The following PTPN13 variants were observed in gnomAD, a reference collection of about 807,000 sequenced individuals.
The protein encoded by PTPN13 is protein tyrosine phosphatase non-receptor type 13, also known as tyrosine-protein phosphatase non-receptor type 13.
PTPN13 carries 191 observed loss-of-function variants against 284.0 expected under a neutral mutation model. The observed-to-expected ratio is 0.67, with a 90% CI of 0.60 to 0.76. The LOEUF (loss-of-function observed/expected upper bound fraction) is 0.76. PTPN13 is among the 30% of genes least tolerant of loss of function. PTPN13 has a pLI of 0.00. For missense variants in PTPN13, 2,797 were observed against 2,939.9 expected, an observed-to-expected ratio of 0.95 and a Z score of 1.12; for synonymous variants, 986 against 1,022.3, an observed-to-expected ratio of 0.96 and a Z score of 0.68.
At chr4:86,624,401 T>C (rs1178646295) in intron 1 of PTPN13, among the ~76,000 whole-genome samples, 1 of 152,174 alleles carries the variant, frequency 6.6e-6, no homozygotes, top group Non-Finnish European at 1.5e-5. Context: ...TATAAGATGA[T>C]ATATGATTCT....
At chr4:86,779,314 G>A (rs1463761948) in intron 35 of PTPN13, among the ~76,000 whole-genome samples, 1 of 152,012 alleles carries the variant, frequency 6.6e-6, no homozygotes, top group African/African-American at 2.4e-5. Flanking sequence ...CTACTCGGGA[G>A]GCTAAGGCAG....
intron 23 of PTPN13, among the ~76,000 whole-genome samples, chr4:86,760,154 T>C (rs1009138232): frequency 1.3e-5 from 2 of 152,176 alleles, no homozygotes; most frequent in African/African-American, 4.8e-5. Context: ...TGTACACATA[T>C]AAATAATATG....
chr4:86,797,606 A>G (rs752370136), intron 41 of PTPN13, among the ~76,000 whole-genome samples: 2 of 152,176 alleles, frequency 1.3e-5, no homozygotes, highest in Non-Finnish European at 2.9e-5. Context: ...TCTCTTAACT[A>G]TTGGAAAAAA....
intron 15 of PTPN13, among the ~76,000 whole-genome samples, chr4:86,739,048 A>T (rs545020615): frequency 1.3e-5 from 2 of 152,070 alleles, no homozygotes; most frequent in Non-Finnish European, 2.9e-5. Context: ...TTTCTAGTTT[A>T]TGGTTTTTGT....
intron 4 of PTPN13, among the ~76,000 whole-genome samples, chr4:86,687,899 G>C (rs1729612540): frequency 6.6e-6 from 1 of 151,986 alleles, no homozygotes; most frequent in Admixed American, 6.6e-5. Flanking sequence ...TCAGAAATCA[G>C]GATATTTTGG....
At chr4:86,664,098 C>G (rs1565267138) in intron 2 of PTPN13, among the ~76,000 whole-genome samples, 2 of 152,134 alleles carry the variant, frequency 1.3e-5, no homozygotes. Flanking sequence ...TTTAAAAATA[C>G]TGTGTAGATT....
At chr4:86,612,272 TGAG>T (rs1466299030) in intron 1 of PTPN13, among the ~76,000 whole-genome samples, 1 of 152,172 alleles carries the variant, frequency 6.6e-6, no homozygotes. Context: ...TGATCTATAA[TGAG>T]AAGATAATAA....
intron 23 of PTPN13, among the ~76,000 whole-genome samples, 172 bp downstream of exon 23, chr4:86,759,245 T>C (rs941686976): frequency 1.3e-5 from 2 of 152,196 alleles, no homozygotes; most frequent in African/African-American, 4.8e-5. Context: ...GATAGAGTCA[T>C]TTATCATTGT....
intron 7 of PTPN13, among the ~76,000 whole-genome samples, chr4:86,705,662 C>T (rs909003397): frequency 1.3e-5 from 2 of 152,022 alleles, no homozygotes; most frequent in Non-Finnish European, 2.9e-5. Flanking sequence ...TAGAAGAGGT[C>T]TTAGAGCACA....
Position 86,761,198 on chromosome 4 carries a change from T to TAA in PTPN13, c.3554-1525_3554-1524dup, listed in dbSNP as rs1289562012. Reference sequence around the variant, plus strand: ...CACAACACATACACACACTATTTTTTAAAAATCTGTTTTATACTCTAAATA... The same window carrying TAA: ...CACAACACATACACACACTATTTTTTAAAAAAATCTGTTTTATACTCTAAATA... On this transcript the variant is annotated intron_variant, in intron 23 of 47. Coordinates refer to ENST00000411767, the MANE Select transcript of PTPN13 (RefSeq NM_080683.3). 2.1e-5 allele frequency among the ~76,000 whole-genome samples: 3 copies of TAA among 146,186 alleles called. No homozygotes were observed. The Admixed American group carries it at 2.1e-4, about 10-fold the overall frequency.
chr4:86,739,058 T>G (rs560344175), intron 15 of PTPN13, among the ~76,000 whole-genome samples: 2 of 152,324 alleles, frequency 1.3e-5, no homozygotes, highest in South Asian at 2.1e-4. Context: ...ATGGTTTTTG[T>G]GTTCCATCTA....
chr4:86,655,089 G>T (rs1397620395), intron 2 of PTPN13, among the ~76,000 whole-genome samples: 4 of 151,964 alleles, frequency 2.6e-5, no homozygotes, highest in African/African-American at 9.7e-5. Context: ...TTTTCCATTT[G>T]CTTGGTAGAT....
intron 1 of PTPN13, among the ~76,000 whole-genome samples, chr4:86,614,327 T>C (rs747301763): frequency 6.6e-6 from 1 of 152,196 alleles, no homozygotes; most frequent in Non-Finnish European, 1.5e-5. Context: ...TTACTAAAAC[T>C]GTAATATTGC....
chr4:86,771,120 T>G (rs1739947512), intron 30 of PTPN13, 51 bp from the exon 31 acceptor site: 1 of 1,494,382 alleles, frequency 6.7e-7, no homozygotes, highest in African/African-American at 1.4e-5. Flanking sequence ...AAATAAATGC[T>G]TCTAAAATTC....
chr4:86,702,226 AG>A (rs1373220880), intron 7 of PTPN13, among the ~76,000 whole-genome samples: 2 of 152,244 alleles, frequency 1.3e-5, no homozygotes, highest in African/African-American at 2.4e-5. Flanking sequence ...CCGGAGAAGC[AG>A]AATAGCATGG....
At chr4:86,769,660 C>T (rs778409233) in intron 28 of PTPN13, 109 bp from the exon 29 acceptor site, 39 of 706,366 alleles carry the variant, frequency 5.5e-5, no homozygotes, top group African/African-American at 2.0e-4. Context: ...GCTATAAATA[C>T]GGGAAAATGG....
intron 2 of PTPN13, among the ~76,000 whole-genome samples, chr4:86,643,547 C>T (rs192449079): frequency 1.3e-5 from 2 of 152,160 alleles, no homozygotes; most frequent in East Asian, 3.9e-4. Context: ...ATAATATCAG[C>T]AAAGTTTAGT....
In PTPN13 at chr4:86,758,782, C is replaced by G; in HGVS notation, c.3418C>G (p.Pro1140Ala). 1.2e-6 allele frequency: 2 copies of G among 1,612,082 alleles called. No homozygotes were observed. The highest frequency in any genetic ancestry group is 1.1e-5 in the South Asian group (1 of 90,876). ...GPADLDGCLK[P>A]GDRLISVNSV... ...AGCTGACTTGGATGGATGCTTGAAG[C>G]CAGGTACTTTACATTTTGGTAGTTT... Residue 1140 changes from proline to alanine, a missense_variant, in exon 22 of 48, where the codon CCA becomes GCA. Pro to Ala is a conservative substitution (Grantham distance 27). Transcript: ENST00000411767.
Position 86,809,800 on chromosome 4 carries a change from AT to A in PTPN13, c.7118del (p.Phe2373SerfsTer23). 1.2e-6 allele frequency: 2 copies of A among 1,614,002 alleles called. No homozygotes were observed. Among genetic ancestry groups the A allele is most frequent in the Non-Finnish European group, 1.7e-6 (2 of 1,179,892 alleles). Reference protein sequence around the residue: ...TREVRHISHLNFTAWPDHDTP... With the variant: ...TREVRHISHLXFTAWPDHDTP... ...GAGGTGCGCCATATTTCTCATCTGAATTTCACTGCCTGGCCAGACCATGATA... is the reference window on the plus strand; with the variant it reads ...GAGGTGCGCCATATTTCTCATCTGAATTCACTGCCTGGCCAGACCATGATA... On this transcript the variant is annotated frameshift_variant, in exon 46 of 48. Coordinates refer to ENST00000411767, the MANE Select transcript of PTPN13 (RefSeq NM_080683.3). LOFTEE classifies it high-confidence loss of function.
Sources: allele counts gnomAD v4.1 joint callset (sites outside exome capture counted in the v4.1 genomes callset), GRCh38; gene constraint gnomAD v4.1.1; transcripts MANE v1.5; gene names NCBI Gene and HGNC (gene_info 2026-07-23, HGNC 2026-07-21).